The following ZFYVE26 variants were observed in gnomAD, a reference collection of about 807,000 sequenced individuals.
ZFYVE26 encodes the protein zinc finger FYVE domain-containing protein 26.
ZFYVE26 carries 181 observed loss-of-function variants against 276.5 expected under a neutral mutation model. That is an observed-to-expected ratio of 0.65 (90% CI 0.58 to 0.74). The LOEUF (loss-of-function observed/expected upper bound fraction) is 0.74, where lower values mean the gene tolerates loss of function less well. Ranked by LOEUF, ZFYVE26 falls within the 30% of genes least tolerant of loss-of-function variation. The pLI is 0.00. For missense variants in ZFYVE26, 2,821 were observed against 3,097.9 expected, an observed-to-expected ratio of 0.91 and a Z score of 2.12; for synonymous variants, 1,129 against 1,203.1, an observed-to-expected ratio of 0.94 and a Z score of 1.27.
At chr14:67,777,816 A>G in intron 24 of ZFYVE26, 81 bp from the exon 25 acceptor site, 1 of 1,552,078 alleles carries the variant, frequency 6.4e-7, no homozygotes, top group Non-Finnish European at 8.9e-7. Flanking sequence ...AGAATAGAAT[A>G]TTTAGGTTTA....
downstream of ZFYVE26, among the ~76,000 whole-genome samples, chr14:67,746,304 A>AG (rs992218847): frequency 7.3e-5 from 11 of 151,716 alleles, no homozygotes; most frequent in African/African-American, 2.7e-4. Flanking sequence ...CTGAAGCAAA[A>AG]AAAAAAGTTT....
intron 27 of ZFYVE26, 95 bp from the exon 28 acceptor site, chr14:67,772,305 G>A (rs1358569711): frequency 1.2e-5 from 16 of 1,358,052 alleles, no homozygotes; most frequent in Non-Finnish European, 1.5e-5. Flanking sequence ...TTTACAAACC[G>A]TTATTGAAAG....
In ZFYVE26 at chr14:67,777,752, G is replaced by A. The variant is rs200895381; in HGVS notation, c.4798-17C>T. The A allele has an allele frequency of 6.2e-7, 1 of 1,614,046 alleles. No homozygotes were observed. Among genetic ancestry groups the A allele is most frequent in the Non-Finnish European group, 8.5e-7 (1 of 1,180,014 alleles). On this transcript the variant is annotated splice_polypyrimidine_tract_variant and intron_variant, in intron 24 of 41. Coordinates refer to ENST00000347230, the MANE Select transcript of ZFYVE26 (RefSeq NM_015346.4). ...TCGCAGGAGCTATTGTCAAAGGGTA[G>A]AGGAGGAAGGTGTGGCCTGCAGAAG...
chr14:67,772,816 C>A (rs1485503703), intron 27 of ZFYVE26, among the ~76,000 whole-genome samples: 1 of 152,016 alleles, frequency 6.6e-6, no homozygotes, highest in East Asian at 1.9e-4. Flanking sequence ...CAGAAGTTAG[C>A]CAGACATGGT....
chr14:67,785,797 T>C, intron 18 of ZFYVE26, 61 bp downstream of exon 18: 1 of 1,610,854 alleles, frequency 6.2e-7, no homozygotes, highest in Admixed American at 1.7e-5. Context: ...GCTTCGTTAC[T>C]CTCAGCTGTT....
chr14:67,807,533 C>T lies in ZFYVE26; in HGVS notation c.751G>A (p.Gly251Arg), dbSNP rs2040208062. ...EELLEACRTE[G>R]SPLREERLLS... Reference sequence around the variant, plus strand: ...AGCCGCTCCTCCCGCAGGGGACTCCCCTCGGTCCTGCAGGCCTCTAGTAGT... The same window carrying T: ...AGCCGCTCCTCCCGCAGGGGACTCCTCTCGGTCCTGCAGGCCTCTAGTAGT... The change falls in exon 5 of 42, where the codon GGG becomes AGG. Residue 251 changes from glycine (G) to arginine (R), a missense_variant. By Grantham distance (125) the Gly-to-Arg change is moderately radical. Transcript: ENST00000347230. The T allele has an allele frequency of 6.2e-7, 1 of 1,614,070 alleles. No individual in the cohort carries two copies. Among genetic ancestry groups the T allele is most frequent in the African/African-American group, 1.3e-5 (1 of 74,922 alleles).
chr14:67,779,531 C>A (rs985129206), intron 23 of ZFYVE26, among the ~76,000 whole-genome samples: 8 of 152,090 alleles, frequency 5.3e-5, no homozygotes, highest in Non-Finnish European at 1.2e-4. Context: ...CATTGCACTC[C>A]AGCCTGGGTG....
chr14:67,755,349 G>A, intron 36 of ZFYVE26, 99 bp from the exon 37 acceptor site: 4 of 1,378,878 alleles, frequency 2.9e-6, no homozygotes, highest in Non-Finnish European at 4.0e-6. Flanking sequence ...ATGAGACCTT[G>A]TTTCCAGCAC....
downstream of ZFYVE26, among the ~76,000 whole-genome samples, chr14:67,744,656 A>G (rs190005640): frequency 2.0e-5 from 3 of 152,190 alleles, no homozygotes; most frequent in Non-Finnish European, 1.5e-5. Flanking sequence ...GAGTGAGAAC[A>G]TGCGATGTTT....
chr14:67,754,297 G>A lies in ZFYVE26; in HGVS notation c.6987-85C>T, dbSNP rs1034962243. The A allele has an allele frequency of 2.6e-5, 40 of 1,565,474 alleles. No individual in the cohort carries two copies. The Admixed American group carries it at 6.7e-4, about 26-fold the overall frequency. On this transcript the variant is annotated intron_variant, in intron 37 of 41. Coordinates refer to ENST00000347230, the MANE Select transcript of ZFYVE26 (RefSeq NM_015346.4). The stretch of plus-strand genomic sequence containing the variant: ...GGAGACTGAGAAGTCGAATAATATG[G>A]CAATGAAAAAGGGAAAACAAATGAT...
At chr14:67,778,018 G>A in intron 24 of ZFYVE26, 108 bp downstream of exon 24, 1 of 1,506,484 alleles carries the variant, frequency 6.6e-7, no homozygotes, top group Non-Finnish European at 9.2e-7. Flanking sequence ...AAGATCAGAA[G>A]AGGCATAGCT....
intron 31 of ZFYVE26, among the ~76,000 whole-genome samples, chr14:67,767,053 C>G (rs1048964658): frequency 6.6e-6 from 1 of 152,082 alleles, no homozygotes; most frequent in Non-Finnish European, 1.5e-5. Flanking sequence ...TTTCTCTGGT[C>G]CACTAGTGCA....
chr14:67,803,144 C>A (rs1482169384), intron 9 of ZFYVE26, among the ~76,000 whole-genome samples: 3 of 151,966 alleles, frequency 2.0e-5, no homozygotes, highest in Non-Finnish European at 2.9e-5. Flanking sequence ...TCACTTGATC[C>A]CAAGAGTTTG....
At chr14:67,779,755 A>G (rs1162782868) in intron 23 of ZFYVE26, among the ~76,000 whole-genome samples, 2 of 152,216 alleles carry the variant, frequency 1.3e-5, no homozygotes, top group Non-Finnish European at 2.9e-5. Context: ...TAACGTACAC[A>G]ATGTAGAAAA....
At chr14:67,742,956 C>T (rs1357366651), downstream of ZFYVE26, among the ~76,000 whole-genome samples, 6 of 151,278 alleles carry the variant, frequency 4.0e-5, no homozygotes, top group Non-Finnish European at 8.8e-5. Context: ...CCTCCCACCT[C>T]AGCCTCCCGA....
Position 67,761,539 on chromosome 14 carries a change from G to C in ZFYVE26, c.6415C>G (p.Leu2139Val). 6.2e-7 allele frequency: 1 copy of C among 1,614,220 alleles called. No homozygotes were observed. The highest frequency in any genetic ancestry group is 1.1e-5 in the South Asian group (1 of 91,080). ...GCCAGAGAAAGGCTCTGCGTCCGAA[G>C]GGTAGCTTCCAGTTCCCTCAGGGTG... Reference protein sequence around the residue: ...FATLRELEATLRTQSLSLAVI... With the variant: ...FATLRELEATVRTQSLSLAVI... Residue 2139 changes from leucine to valine, a missense_variant, in exon 35 of 42, where the codon CTT (leucine) becomes GTT (valine). Leu to Val is a conservative substitution (Grantham distance 32, BLOSUM62 1). Coordinates refer to ENST00000347230, the MANE Select transcript of ZFYVE26 (RefSeq NM_015346.4).
At position 67,790,778 on chromosome 14, in the gene ZFYVE26, C is replaced by A; in HGVS notation, c.2554-5G>T. ...CAGGTTGAACGTGAACAGCACCTGT[C>A]ATAGGAGAGGGAGTGTGTGGGCCCT... On this transcript the variant is annotated splice_polypyrimidine_tract_variant and splice_region_variant and intron_variant, in intron 14 of 41. Transcript: ENST00000347230. 1 of 1,613,714 alleles carries A rather than the reference C, an allele frequency of 6.2e-7. No homozygotes were observed. The highest frequency in any genetic ancestry group is 1.1e-5 in the South Asian group (1 of 90,908).
chr14:67,789,213 T>C, intron 16 of ZFYVE26, 122 bp downstream of exon 16: 1 of 1,389,014 alleles, frequency 7.2e-7, no homozygotes, highest in Non-Finnish European at 1.0e-6. Context: ...GTGACAAAAT[T>C]TCATAATCCA....
chr14:67,756,351 A>G (rs998181780), intron 35 of ZFYVE26: 11 of 629,690 alleles, frequency 1.7e-5, no homozygotes, highest in Non-Finnish European at 3.1e-5. Context: ...AGAAGCCCCT[A>G]GACAGGGTTA....
Sources: allele counts gnomAD v4.1 joint callset (sites outside exome capture counted in the v4.1 genomes callset), GRCh38; gene constraint gnomAD v4.1.1; transcripts MANE v1.5; gene names NCBI Gene and HGNC (gene_info 2026-07-23, HGNC 2026-07-21).